The following PVT1 variants were observed in gnomAD, a reference collection of about 807,000 sequenced individuals.
The protein encoded by PVT1 is Pvt1 oncogene.
intron 3 of PVT1, among the ~76,000 whole-genome samples, chr8:127,956,840 T>C (rs1816575877): frequency 6.6e-6 from 1 of 152,252 alleles, no homozygotes; most frequent in African/African-American, 2.4e-5. Flanking sequence ...CAGGGTCTGC[T>C]TCACACTTGA....
At chr8:127,909,724 G>T (rs1429556949) in intron 3 of PVT1, among the ~76,000 whole-genome samples, 1 of 152,116 alleles carries the variant, frequency 6.6e-6, no homozygotes, top group Non-Finnish European at 1.5e-5. Flanking sequence ...AGGGTGTAGG[G>T]GTCCCCAGAA....
chr8:128,046,686 C>T (rs572406224), intron 4 of PVT1, among the ~76,000 whole-genome samples: 2 of 152,234 alleles, frequency 1.3e-5, no homozygotes, highest in Non-Finnish European at 2.9e-5. Context: ...GCTGAACATT[C>T]TTTCACTCTC....
intron 4 of PVT1, among the ~76,000 whole-genome samples, chr8:128,022,511 G>A (rs746019581): frequency 6.6e-6 from 1 of 152,212 alleles, no homozygotes; most frequent in Non-Finnish European, 1.5e-5. Context: ...CGCTCACAAA[G>A]GCCTTGCACA....
At chr8:128,005,245 A>AT (rs1233455129) in intron 4 of PVT1, among the ~76,000 whole-genome samples, 1 of 152,042 alleles carries the variant, frequency 6.6e-6, no homozygotes, top group Non-Finnish European at 1.5e-5. Context: ...AGCTTGTGAG[A>AT]TTTTTTTGTT....
intron 4 of PVT1, among the ~76,000 whole-genome samples, chr8:128,053,128 G>A (rs1374830542): frequency 6.6e-6 from 1 of 152,240 alleles, no homozygotes; most frequent in Non-Finnish European, 1.5e-5. Flanking sequence ...TAGTAAAGAG[G>A]AGGGGACCTG....
rs140357727 is a variant in PVT1, at chr8:127,993,845, C to T, written n.912+4554C>T. ...TTTCTTGTATTGCACAAATATCGAACGAGAACCTGCAGTGTGCCACTGTGC... is the reference window on the plus strand; with the variant it reads ...TTTCTTGTATTGCACAAATATCGAATGAGAACCTGCAGTGTGCCACTGTGC... On this transcript the variant is annotated intron_variant and non_coding_transcript_variant, in intron 4 of 10. Transcript: ENST00000651587. Among the ~76,000 whole-genome samples, 1,040 of 152,246 alleles carry T rather than the reference C, an allele frequency of 6.8e-3. 10 individuals carry two copies. The highest frequency in any genetic ancestry group is 0.022 in the African/African-American group (926 of 41,528).
intron 3 of PVT1, among the ~76,000 whole-genome samples, chr8:127,943,021 G>A (rs1267383053): frequency 6.6e-6 from 1 of 152,198 alleles, no homozygotes; most frequent in African/African-American, 2.4e-5. Context: ...GTCTCCTTTT[G>A]TTCTGTCTTG....
chr8:127,889,345 G>T (rs1443504697), intron 2 of PVT1, among the ~76,000 whole-genome samples: 2 of 151,836 alleles, frequency 1.3e-5, no homozygotes, highest in African/African-American at 4.8e-5. Context: ...GGCCAGGCTG[G>T]TCTTGAATTC....
intron 3 of PVT1, among the ~76,000 whole-genome samples, chr8:127,906,022 C>T (rs1026138512): frequency 9.9e-5 from 15 of 152,248 alleles, no homozygotes; most frequent in African/African-American, 3.6e-4. Flanking sequence ...AAACCCCACA[C>T]ACACCAAGTA....
chr8:127,871,917 C>T (rs779979336), intron 2 of PVT1, among the ~76,000 whole-genome samples: 6 of 151,858 alleles, frequency 4.0e-5, no homozygotes, highest in East Asian at 1.9e-4. Flanking sequence ...GGCAAAACCC[C>T]GTCTCCACTA....
At chr8:127,978,073 C>T (rs1816840811) in intron 3 of PVT1, among the ~76,000 whole-genome samples, 1 of 152,222 alleles carries the variant, frequency 6.6e-6, no homozygotes, top group African/African-American at 2.4e-5. Flanking sequence ...TGCATGCTTA[C>T]TTCCACACTG....
At chr8:127,977,525 G>A (rs1339716521) in intron 3 of PVT1, among the ~76,000 whole-genome samples, 2 of 152,156 alleles carry the variant, frequency 1.3e-5, no homozygotes, top group African/African-American at 4.8e-5. Flanking sequence ...TTGAGATCAG[G>A]AGTTCGAGAC....
At position 127,805,875 on chromosome 8, in the gene PVT1, T is replaced by TTGAG. The variant is rs562229161; in HGVS notation, n.372+9809_372+9812dup. 1.8e-4 allele frequency among the ~76,000 whole-genome samples: 28 copies of TTGAG among 152,130 alleles called. No homozygotes were observed. In the East Asian group the frequency reaches 5.4e-3, roughly 29 times the overall value. ...GAAATACTGTCTGAGGAATCAGGAT[T>TTGAG]TGAGTGAGACACGAAGACTCAGTAG... On this transcript the variant is annotated intron_variant and non_coding_transcript_variant, in intron 2 of 10. Transcript: ENST00000651587.
intron 3 of PVT1, among the ~76,000 whole-genome samples, chr8:127,961,400 G>A (rs112917121): frequency 0.018 from 2,812 of 152,272 alleles, 97 homozygotes; most frequent in African/African-American, 0.064. Flanking sequence ...CAGGAAGGAA[G>A]GGGTAAAATG....
rs552847087 is a variant in PVT1 at position 127,945,975 on chromosome 8, C to A, written n.783-43187C>A. ...TAAAGGACTAAAGCTACCAGCCTCG[C>A]TGCGGGTTGGAAAAAAGAAAGAGTT... On this transcript the variant is annotated intron_variant and non_coding_transcript_variant, in intron 3 of 10. Coordinates refer to ENST00000651587, the Ensembl canonical transcript of PVT1. Among the ~76,000 whole-genome samples the A allele has an allele frequency of 1.4e-4, 22 of 152,228 alleles. 2 individuals are homozygous for A. The South Asian group carries it at 4.2e-3, about 29-fold the overall frequency.
intron 3 of PVT1, among the ~76,000 whole-genome samples, chr8:127,957,215 G>A (rs983550649): frequency 6.6e-6 from 1 of 152,152 alleles, no homozygotes; most frequent in Non-Finnish European, 1.5e-5. Flanking sequence ...ACTAGGAAAA[G>A]CACCATGATA....
rs1813460003 is a variant in PVT1 at position 128,036,236 on chromosome 8, T to C, written n.913-33924T>C. ...CCCCAGGTTTGTCTGTCATCTGATG[T>C]AACATCATGATGTAAAATAAGGGTA... On this transcript the variant is annotated intron_variant and non_coding_transcript_variant, in intron 4 of 10. Coordinates refer to ENST00000651587, the Ensembl canonical transcript of PVT1. Among the ~76,000 whole-genome samples, 3 of 152,240 alleles carry C rather than the reference T, an allele frequency of 2.0e-5. No homozygotes were observed. In the South Asian group the frequency reaches 6.2e-4, roughly 31 times the overall value.
intron 2 of PVT1, among the ~76,000 whole-genome samples, chr8:127,863,086 AT>A (rs945347046): frequency 2.1e-4 from 25 of 118,024 alleles, no homozygotes; most frequent in African/African-American, 1.1e-3. Flanking sequence ...AGTTTTATTT[AT>A]TTATTTATTT....
intron 4 of PVT1, among the ~76,000 whole-genome samples, chr8:128,026,795 G>C (rs16902565): frequency 0.15 from 22,096 of 152,186 alleles, 3,627 homozygotes; most frequent in African/African-American, 0.41. Context: ...AGTGTGCAAA[G>C]AAAGACCTTG....
Sources: allele counts gnomAD v4.1 joint callset (sites outside exome capture counted in the v4.1 genomes callset), GRCh38; gene constraint gnomAD v4.1.1; transcripts MANE v1.5; gene names NCBI Gene and HGNC (gene_info 2026-07-23, HGNC 2026-07-21).